The following MASP1 variants were observed in gnomAD, a reference collection of about 807,000 sequenced individuals.
MASP1 encodes the protein MBL associated serine protease 1.
Under a neutral mutation model 77.1 loss-of-function variants are expected in MASP1, and 59 were observed. The ratio of observed to expected loss-of-function variants is 0.77; its 90% confidence interval spans 0.62 to 0.95. MASP1 has a LOEUF of 0.95. Ranked by LOEUF, MASP1 falls within the 40% of genes least tolerant of loss-of-function variation. The pLI is 0.00. For missense variants in MASP1, 885 were observed against 912.9 expected, an observed-to-expected ratio of 0.97 and a Z score of 0.39; for synonymous variants, 362 against 354.5, an observed-to-expected ratio of 1.02 and a Z score of -0.24.
At chr3:187,286,977 A>G (rs696407) in intron 1 of MASP1, among the ~76,000 whole-genome samples, 149,686 of 152,318 alleles carry the variant, frequency 0.98, 73,593 homozygotes, top group East Asian at 1. Flanking sequence ...GAGTCACCAC[A>G]TCCTACTTAT....
chr3:187,271,608 G>C (rs368668890), intron 2 of MASP1, among the ~76,000 whole-genome samples: 1 of 152,108 alleles, frequency 6.6e-6, no homozygotes, highest in Non-Finnish European at 1.5e-5. Flanking sequence ...GAAGGAATTA[G>C]AGTAACTGTT....
intron 11 of MASP1, chr3:187,226,668 A>G (rs1186025947): frequency 2.9e-6 from 2 of 690,772 alleles, no homozygotes; most frequent in African/African-American, 1.8e-5. Flanking sequence ...TATGGCCCCC[A>G]ACTCAAATGC....
At chr3:187,275,019 G>A (rs1384854583) in intron 2 of MASP1, among the ~76,000 whole-genome samples, 1 of 152,186 alleles carries the variant, frequency 6.6e-6, no homozygotes, top group African/African-American at 2.4e-5. Context: ...GAGAGCCAGG[G>A]AGGATTGGCA....
intron 1 of MASP1, among the ~76,000 whole-genome samples, chr3:187,288,472 A>G (rs1282394576): frequency 6.6e-6 from 1 of 152,194 alleles, no homozygotes; most frequent in Non-Finnish European, 1.5e-5. Context: ...TTTCCATTTT[A>G]GGAGGTCATG....
intron 5 of MASP1, among the ~76,000 whole-genome samples, chr3:187,253,560 C>T (rs944823537): frequency 1.3e-5 from 2 of 152,202 alleles, no homozygotes; most frequent in South Asian, 2.1e-4. Flanking sequence ...CTCTACTTAA[C>T]TATTTACAAT....
At chr3:187,275,277 G>A (rs1716873534) in intron 2 of MASP1, among the ~76,000 whole-genome samples, 1 of 152,204 alleles carries the variant, frequency 6.6e-6, no homozygotes, top group Admixed American at 6.5e-5. Flanking sequence ...TGTGCTGAGT[G>A]GACAGAAGGG....
At chr3:187,224,093 A>G (rs1712233258) in intron 13 of MASP1, among the ~76,000 whole-genome samples, 1 of 152,104 alleles carries the variant, frequency 6.6e-6, no homozygotes, top group Non-Finnish European at 1.5e-5. Context: ...CATCTCAGCC[A>G]TTTTTCTTTT....
intron 1 of MASP1, chr3:187,291,368 G>A (rs1455389015): frequency 7.0e-6 from 4 of 570,510 alleles, no homozygotes; most frequent in Non-Finnish European, 1.3e-5. Context: ...GGCAGTGGGA[G>A]AAATCTGAGC....
At chr3:187,227,458 G>T (rs1712502719) in intron 11 of MASP1, among the ~76,000 whole-genome samples, 1 of 152,124 alleles carries the variant, frequency 6.6e-6, no homozygotes, top group East Asian at 1.9e-4. Context: ...CAGATGACAA[G>T]CCCATAAGTG....
intron 4 of MASP1, 39 bp downstream of exon 4, chr3:187,260,702 C>T (rs1340113217): frequency 6.2e-7 from 1 of 1,613,848 alleles, no homozygotes; most frequent in South Asian, 1.1e-5. Context: ...GAGGATGTGG[C>T]CTATAAGGGC....
rs139856133 is a variant in MASP1, at chr3:187,283,844, A to T, written c.237+1981T>A. Reference sequence around the variant, plus strand: ...AGAATGCCATGATTTTGTGACCAACATTATTTGGGGGAATGGGCCGGGAGA... The same window carrying T: ...AGAATGCCATGATTTTGTGACCAACTTTATTTGGGGGAATGGGCCGGGAGA... On this transcript the variant is annotated intron_variant, in intron 2 of 10. Transcript: ENST00000296280. Among the ~76,000 whole-genome samples, 430 of 152,286 alleles carry T rather than the reference A, an allele frequency of 2.8e-3. 2 individuals carry two copies. The highest frequency in any genetic ancestry group is 0.011 in the South Asian group (52 of 4,820).
intron 2 of MASP1, 147 bp from the exon 3 acceptor site, chr3:187,262,867 G>A: frequency 1.5e-6 from 1 of 688,418 alleles, no homozygotes; most frequent in Admixed American, 2.5e-5. Flanking sequence ...GGATTCTTGA[G>A]AAAAGACGCA....
downstream of MASP1, chr3:187,229,843 C>A (rs150028177): frequency 6.2e-7 from 1 of 1,614,070 alleles, no homozygotes; most frequent in Admixed American, 1.7e-5. Context: ...CTGGGCTGGG[C>A]GTCCATTGAA....
Position 187,291,490 on chromosome 3 carries a change from T to C in MASP1, c.5+138A>G. On this transcript the variant is annotated intron_variant, in intron 1 of 10. Coordinates refer to ENST00000296280, the MANE Select transcript of MASP1 (RefSeq NM_139125.4). ...ACCCACAGCTCCCTTCTCAGAGCCC[T>C]AAGAATTGATGAGAAAGCCCCTCAC... 5 of 1,193,948 alleles carry C rather than the reference T, an allele frequency of 4.2e-6. No individual in the cohort carries two copies. The South Asian group carries it at 6.3e-5, about 15-fold the overall frequency. 74.0% of individuals were successfully genotyped at this position (1,193,948 alleles called of 1,614,324 possible). A position where few individuals can be genotyped will look rare whatever the true frequency, so the allele number is the denominator to read the frequency against.
At chr3:187,229,935 C>G, downstream of MASP1, 1 of 1,612,824 alleles carries the variant, frequency 6.2e-7, no homozygotes, top group Non-Finnish European at 8.5e-7. Context: ...AGATCAGACT[C>G]TGGGCTCCAT....
chr3:187,270,828 G>T (rs2108581637), intron 2 of MASP1, among the ~76,000 whole-genome samples: 1 of 152,298 alleles, frequency 6.6e-6, no homozygotes, highest in South Asian at 2.1e-4. Context: ...TTCACTATCA[G>T]CTACCAGATG....
rs551069384 is a variant in MASP1 at position 187,246,110 on chromosome 3, G to A, written c.1091-2489C>T. Among the ~76,000 whole-genome samples the A allele has an allele frequency of 3.9e-5, 6 of 152,242 alleles. 1 individual carries two copies. The South Asian group carries it at 1.2e-3, about 32-fold the overall frequency. On this transcript the variant is annotated intron_variant, in intron 8 of 10. Coordinates refer to ENST00000296280, the MANE Select transcript of MASP1 (RefSeq NM_139125.4). ...CTCTGGTGCCATCCCTGCTGCACGG[G>A]GCACCCTGTGTCCATGCTCTGGCCA...
Position 187,235,221 on chromosome 3 carries a change from A to C in MASP1, c.*463T>G, listed in dbSNP as rs569129087. On this transcript the variant is annotated 3_prime_UTR_variant, in exon 11 of 11. Transcript: ENST00000296280. ...AGGATTAGGCCAAGGCTAGTCCCAG[A>C]AGGCAGAGCAGGAAAATATACAGAT... is the stretch of plus-strand genomic sequence containing the variant. 1 of 1,288,956 alleles carries C rather than the reference A, an allele frequency of 7.8e-7. No homozygotes were observed. The highest frequency in any genetic ancestry group is 1.5e-5 in the African/African-American group (1 of 65,884). The allele number at this position is 1,288,956 out of a possible 1,614,324, so 79.8% of individuals were successfully genotyped here.
rs1715531651 is a variant in MASP1 at position 187,261,005 on chromosome 3, T to A, written c.416-133A>T. 4.4e-5 allele frequency: 46 copies of A among 1,053,362 alleles called. 1 individual carries two copies. In the South Asian group the frequency reaches 6.0e-4, roughly 14 times the overall value. 65.3% of individuals were successfully genotyped at this position (1,053,362 alleles called of 1,614,324 possible). ...TGCGTTCTCTCATTTAATCCTCTCA[T>A]ACAGCCCAGAGGTAGCCATTATCTT... is the stretch of plus-strand genomic sequence containing the variant. On this transcript the variant is annotated intron_variant, in intron 3 of 10. Transcript: ENST00000296280.
Sources: allele counts gnomAD v4.1 joint callset (sites outside exome capture counted in the v4.1 genomes callset), GRCh38; gene constraint gnomAD v4.1.1; transcripts MANE v1.5; gene names NCBI Gene and HGNC (gene_info 2026-07-23, HGNC 2026-07-21).